The following KYAT3 variants were observed in gnomAD, a reference collection of about 807,000 sequenced individuals.
KYAT3 encodes the protein kynurenine aminotransferase 3.
A neutral mutation model predicts 59.0 loss-of-function variants in KYAT3; 50 were observed. The observed-to-expected ratio is 0.85, with a 90% CI of 0.68 to 1.07. The LOEUF (loss-of-function observed/expected upper bound fraction) is 1.07, where lower values mean the gene tolerates loss of function less well. Ranked by LOEUF, KYAT3 falls within the 50% of genes least tolerant of loss-of-function variation. KYAT3 has a pLI of 0.00. For synonymous variants in KYAT3, 148 were observed against 177.0 expected, an observed-to-expected ratio of 0.84 and a Z score of 1.30; for missense variants, 497 against 533.3, an observed-to-expected ratio of 0.93 and a Z score of 0.67.
chr1:88,982,116 T>A, intron 2 of KYAT3: 1 of 984,142 alleles, frequency 1.0e-6, no homozygotes, highest in Non-Finnish European at 1.2e-6. Context: ...TTGCTTTTTT[T>A]GGGTTTACTG....
intron 8 of KYAT3, among the ~76,000 whole-genome samples, chr1:88,960,672 A>G (rs17130668): frequency 0.095 from 14,484 of 152,128 alleles, 2,249 homozygotes; most frequent in African/African-American, 0.33. Context: ...GTAATCCTAT[A>G]GTTGACATGG....
intron 2 of KYAT3, among the ~76,000 whole-genome samples, chr1:88,974,821 T>C (rs543900567): frequency 1.3e-5 from 2 of 152,244 alleles, no homozygotes; most frequent in East Asian, 3.9e-4. Flanking sequence ...AGCTAAAGGA[T>C]TGTAAACACA....
At chr1:88,923,187 G>C in the KYAT3 span, among the ~76,000 whole-genome samples, 1 of 152,162 alleles carries the variant, frequency 6.6e-6, no homozygotes, top group Non-Finnish European at 1.5e-5. Context: ...CATGAATATT[G>C]TTAATTAATA....
chr1:88,948,455 A>G (rs1013564362), intron 11 of KYAT3, among the ~76,000 whole-genome samples: 15 of 152,230 alleles, frequency 9.9e-5, no homozygotes, highest in African/African-American at 3.4e-4. Context: ...TCAGAATTAC[A>G]TATAACAGCT....
chr1:88,976,932 G>T (rs1676811462), intron 2 of KYAT3, among the ~76,000 whole-genome samples: 2 of 152,222 alleles, frequency 1.3e-5, no homozygotes, highest in African/African-American at 4.8e-5. Context: ...AAGAGTCAAA[G>T]ATTAAACATT....
the KYAT3 span, among the ~76,000 whole-genome samples, chr1:88,926,299 C>A: frequency 2.6e-5 from 4 of 152,196 alleles, no homozygotes; most frequent in African/African-American, 9.7e-5. Context: ...AAAGGTCCGA[C>A]CAGACCTAGG....
chr1:88,960,910 A>G (rs1276322801), intron 8 of KYAT3, among the ~76,000 whole-genome samples: 1 of 152,218 alleles, frequency 6.6e-6, no homozygotes, highest in Non-Finnish European at 1.5e-5. Context: ...CTAAGAAGCC[A>G]GGGATATATG....
intron 11 of KYAT3, among the ~76,000 whole-genome samples, chr1:88,944,456 A>C (rs970098930): frequency 6.6e-6 from 1 of 152,228 alleles, no homozygotes; most frequent in African/African-American, 2.4e-5. Context: ...AAAATTTCCA[A>C]GTAATAATGC....
intron 8 of KYAT3, among the ~76,000 whole-genome samples, chr1:88,958,823 G>T (rs1185874032): frequency 6.6e-6 from 1 of 151,886 alleles, no homozygotes; most frequent in Admixed American, 6.5e-5. Flanking sequence ...ACCATTTCAT[G>T]ATGTAGAACA....
intron 4 of KYAT3, among the ~76,000 whole-genome samples, chr1:88,967,633 C>G (rs1214055665): frequency 6.6e-6 from 1 of 151,938 alleles, no homozygotes; most frequent in Non-Finnish European, 1.5e-5. Flanking sequence ...TAATTTGTAT[C>G]TTTTAAATAA....
At chr1:88,983,222 C>T (rs779302126) in intron 2 of KYAT3, 46 of 1,613,044 alleles carry the variant, frequency 2.9e-5, no homozygotes, top group Non-Finnish European at 3.6e-5. Flanking sequence ...AACATCTCTA[C>T]GAGAGGGGAG....
At chr1:88,992,333 G>A (rs1208705170) in intron 1 of KYAT3, among the ~76,000 whole-genome samples, 1 of 152,224 alleles carries the variant, frequency 6.6e-6, no homozygotes, top group Admixed American at 6.5e-5. Context: ...AGCCCAAACA[G>A]CGAAATCAAG....
chr1:88,992,324 G>C (rs1333003293), intron 1 of KYAT3, among the ~76,000 whole-genome samples: 1 of 152,228 alleles, frequency 6.6e-6, no homozygotes, highest in African/African-American at 2.4e-5. Context: ...CCTTCTAAAA[G>C]CCCAAACAGC....
the KYAT3 span, among the ~76,000 whole-genome samples, chr1:88,926,562 T>G: frequency 1.3e-5 from 2 of 152,210 alleles, no homozygotes; most frequent in Non-Finnish European, 2.9e-5. Flanking sequence ...GCGATCCTCC[T>G]GTCTTGGCCT....
intron 10 of KYAT3, among the ~76,000 whole-genome samples, chr1:88,951,059 G>A (rs1307820441): frequency 6.6e-6 from 1 of 152,060 alleles, no homozygotes; most frequent in African/African-American, 2.4e-5. Context: ...TTTTCTCTAG[G>A]TAACCATGTG....
At chr1:88,935,719 G>A (rs1675009340), downstream of KYAT3, 1 of 317,752 alleles carries the variant, frequency 3.1e-6, no homozygotes, top group South Asian at 1.5e-4. Context: ...ACAAATAGAT[G>A]TGGTTGAGGG....
At position 88,936,247 on chromosome 1, in the gene KYAT3, T is replaced by C; in HGVS notation, c.1303-2A>G. ...AGCAGCATCCAGTGTGCTGTCTTTC[T>C]GTAAATTAATGAAATAATCATCATT... On this transcript the variant is annotated splice_acceptor_variant, in intron 13 of 13. Transcript: ENST00000260508. LOFTEE classifies it high-confidence loss of function. The C allele has an allele frequency of 6.3e-7, 1 of 1,595,098 alleles. No individual in the cohort carries two copies. The highest frequency in any genetic ancestry group is 2.2e-5 in the East Asian group (1 of 44,710).
chr1:88,924,709 G>A, the KYAT3 span, among the ~76,000 whole-genome samples: 869 of 152,254 alleles, frequency 5.7e-3, 11 homozygotes, highest in African/African-American at 0.02. Flanking sequence ...CTCCAGATCC[G>A]GTAAGGTGTC....
chr1:88,985,310 C>T (rs1677389369), intron 2 of KYAT3, among the ~76,000 whole-genome samples: 1 of 152,148 alleles, frequency 6.6e-6, no homozygotes, highest in African/African-American at 2.4e-5. Context: ...AATCTCAGCT[C>T]CCCCAATCAC....
Sources: gnomAD v4.1 joint callset for allele counts (sites outside exome capture counted in the v4.1 genomes callset) on GRCh38, gnomAD v4.1.1 for gene constraint, MANE v1.5 for transcripts, NCBI Gene and HGNC (gene_info 2026-07-23, HGNC 2026-07-21) for gene names.